Variants in FXR1 observed in about 807,000 individuals in gnomAD.
The protein encoded by FXR1 is RNA-binding protein FXR1.
In FXR1, 15 loss-of-function variants were observed where a neutral mutation model predicts 84.0. That is an observed-to-expected ratio of 0.18 (90% confidence interval 0.12 to 0.27). The LOEUF is 0.27. FXR1 is among the 10% of genes least tolerant of loss of function. The pLI is 1.00. For missense variants in FXR1, 480 were observed against 774.4 expected (o/e 0.62, Z 4.51); for synonymous variants, 245 against 250.7 (o/e 0.98, Z 0.21).
At chr3:180,961,586 T>C (rs200787105) in intron 11 of FXR1, 32 bp downstream of exon 11, 82 of 971,912 alleles carry the variant, frequency 8.4e-5, no homozygotes, top group Admixed American at 6.2e-4. Context: ...TATTCTGATA[T>C]TGTTGCTGCA....
At chr3:180,950,256 A>G (rs1171573989) in intron 7 of FXR1, among the ~76,000 whole-genome samples, 3 of 152,208 alleles carry the variant, frequency 2.0e-5, no homozygotes, top group African/African-American at 4.8e-5. Flanking sequence ...CCTTAGGACA[A>G]ATTTGGAAAT....
intron 2 of FXR1, 56 bp downstream of exon 2, chr3:180,933,442 T>C: frequency 9.7e-7 from 1 of 1,027,584 alleles, no homozygotes; most frequent in Non-Finnish European, 1.5e-6. Context: ...TGCCAAACTT[T>C]TTGCTTTTGG....
chr3:180,936,641 C>T (rs1434810323), intron 3 of FXR1, among the ~76,000 whole-genome samples: 1 of 152,178 alleles, frequency 6.6e-6, no homozygotes, highest in East Asian at 1.9e-4. Context: ...AAAATTGCAG[C>T]ACTTCAATCC....
chr3:180,971,999 G>T (rs1713645156), intron 15 of FXR1, among the ~76,000 whole-genome samples: 1 of 152,150 alleles, frequency 6.6e-6, no homozygotes, highest in South Asian at 2.1e-4. Flanking sequence ...TTTAGTGGTT[G>T]TAGAGACATT....
intron 1 of FXR1, among the ~76,000 whole-genome samples, chr3:180,922,770 G>GC (rs1718734684): frequency 6.6e-6 from 1 of 151,968 alleles, no homozygotes; most frequent in Non-Finnish European, 1.5e-5. Flanking sequence ...GTGCCACCAT[G>GC]CCCAGCTAAT....
rs866236803 is a variant in FXR1, at chr3:180,926,705, C to T, written c.52-6629C>T. On this transcript the variant is annotated intron_variant, in intron 1 of 16. Coordinates refer to ENST00000357559, the MANE Select transcript of FXR1 (RefSeq NM_005087.4). ...GTTTCTGATTACATTTGGTAGTCTG[C>T]CAAATACTAAGGTTTTAAAGTTTCT... 5.9e-5 allele frequency among the ~76,000 whole-genome samples: 9 copies of T among 151,534 alleles called. No individual in the cohort carries two copies. In the South Asian group the frequency reaches 8.3e-4, roughly 14 times the overall value.
In FXR1 at chr3:180,977,684, ATAT is replaced by A. The variant is rs1452820789; in HGVS notation, c.*1396_*1398del. On this transcript the variant is annotated 3_prime_UTR_variant, in exon 17 of 17. Coordinates refer to ENST00000357559, the MANE Select transcript of FXR1 (RefSeq NM_005087.4). ...ACATAGGGGAAGGCTTTGTTCCACAATATTATATGGACCACTGAACAAGAATGA... is the reference window on the plus strand; with the variant it reads ...ACATAGGGGAAGGCTTTGTTCCACAATATATGGACCACTGAACAAGAATGA... 2 of 152,136 alleles carry A rather than the reference ATAT, an allele frequency of 1.3e-5. No individual in the cohort carries two copies. Among genetic ancestry groups the A allele is most frequent in the Non-Finnish European group, 2.9e-5 (2 of 67,992 alleles). The allele number at this position is 152,136 out of a possible 1,614,324, so 9.4% of individuals were successfully genotyped here.
At position 180,925,359 on chromosome 3, in the gene FXR1, C is replaced by CAA. The variant is rs374315439; in HGVS notation, c.52-7961_52-7960dup. Among the ~76,000 whole-genome samples, 827 of 128,572 alleles carry CAA rather than the reference C, an allele frequency of 6.4e-3. 3 individuals are homozygous for CAA. Among genetic ancestry groups the CAA allele is most frequent in the Non-Finnish European group, 9.2e-3 (551 of 60,096 alleles). 84.3% of individuals were successfully genotyped at this position (128,572 alleles called of 152,430 possible). A position where few individuals can be genotyped will look rare whatever the true frequency, so the allele number is the denominator to read the frequency against. ...TGGGCAACAGAGCGAGACTCCATCT[C>CAA]AAAAAAAAAAAAAAAGTACATTCCT... On this transcript the variant is annotated intron_variant, in intron 1 of 16. Transcript: ENST00000357559.
intron 1 of FXR1, 72 bp downstream of exon 1, chr3:180,912,808 CAG>C: frequency 6.2e-7 from 1 of 1,611,914 alleles, no homozygotes; most frequent in South Asian, 1.1e-5. Flanking sequence ...TTGGTGGTCC[CAG>C]AGAGTGAGGT....
intron 3 of FXR1, among the ~76,000 whole-genome samples, chr3:180,938,737 G>A (rs1576932525): frequency 1.3e-5 from 2 of 151,916 alleles, no homozygotes; most frequent in Admixed American, 6.6e-5. Flanking sequence ...CAGTAGCGAC[G>A]GGGTTTCTCC....
At chr3:180,948,677 TA>T (rs1228525337) in intron 5 of FXR1, 43 bp from the exon 6 acceptor site, 11 of 1,080,656 alleles carry the variant, frequency 1.0e-5, no homozygotes, top group Non-Finnish European at 1.6e-5. Flanking sequence ...CCTCTGACTT[TA>T]ATCTGTTATT....
At chr3:180,940,364 T>C (rs1720983886) in intron 3 of FXR1, among the ~76,000 whole-genome samples, 5 of 152,174 alleles carry the variant, frequency 3.3e-5, no homozygotes, top group Admixed American at 3.3e-4. Flanking sequence ...AAGAGTTCTT[T>C]AGATTTCGTT....
intron 14 of FXR1, 37 bp downstream of exon 14, chr3:180,968,291 G>C (rs970753560): frequency 5.8e-6 from 8 of 1,388,998 alleles, no homozygotes; most frequent in African/African-American, 1.4e-5. Context: ...TCCATTATTT[G>C]TAAACAGTTT....
intron 13 of FXR1, among the ~76,000 whole-genome samples, chr3:180,966,515 T>G (rs994969537): frequency 1.3e-5 from 2 of 152,222 alleles, no homozygotes; most frequent in Non-Finnish European, 2.9e-5. Context: ...ATAGGGAACT[T>G]CAAGGTATTT....
intron 1 of FXR1, among the ~76,000 whole-genome samples, chr3:180,919,338 G>A (rs1275724395): frequency 6.9e-6 from 1 of 145,116 alleles, no homozygotes; most frequent in Non-Finnish European, 1.5e-5. Flanking sequence ...AGGCTGGAGT[G>A]CAGTGGCACT....
intron 1 of FXR1, among the ~76,000 whole-genome samples, chr3:180,929,374 CTTAAA>C (rs1307778315): frequency 3.9e-5 from 6 of 152,042 alleles, no homozygotes; most frequent in Non-Finnish European, 7.4e-5. Flanking sequence ...TAATGATTAT[CTTAAA>C]TTATAGTTAA....
intron 13 of FXR1, among the ~76,000 whole-genome samples, chr3:180,967,162 A>T (rs1712937009): frequency 6.6e-6 from 1 of 152,160 alleles, no homozygotes; most frequent in South Asian, 2.1e-4. Flanking sequence ...GTTGGTGCAA[A>T]AGTAATTGCA....
intron 3 of FXR1, among the ~76,000 whole-genome samples, chr3:180,944,465 C>A (rs1265784801): frequency 6.6e-6 from 1 of 151,720 alleles, no homozygotes; most frequent in Non-Finnish European, 1.5e-5. Context: ...GGACTAGAGG[C>A]ATGCACCAAC....
At chr3:180,941,704 G>T (rs1291560085) in intron 3 of FXR1, among the ~76,000 whole-genome samples, 1 of 152,174 alleles carries the variant, frequency 6.6e-6, no homozygotes, top group Non-Finnish European at 1.5e-5. Flanking sequence ...ACTTGTTTTT[G>T]TCTTGCAGAG....
Sources: allele counts gnomAD v4.1 joint callset (sites outside exome capture counted in the v4.1 genomes callset), GRCh38; gene constraint gnomAD v4.1.1; transcripts MANE v1.5; gene names NCBI Gene and HGNC (gene_info 2026-07-23, HGNC 2026-07-21).